ERGIC1: variants seen among roughly 807,000 people sequenced by gnomAD.
ERGIC1 encodes the protein endoplasmic reticulum-Golgi intermediate compartment protein 1.
ERGIC1 carries 19 observed loss-of-function variants against 38.3 expected under a neutral mutation model. The ratio of observed to expected loss-of-function variants is 0.50; its 90% CI spans 0.35 to 0.73. The LOEUF is 0.73. Ranked by LOEUF, ERGIC1 falls within the 30% of genes least tolerant of loss-of-function variation. The probability of loss-of-function intolerance (pLI) is 0.01; values close to 1 mark genes in which losing one functional copy is unlikely to be tolerated. For missense variants in ERGIC1, 294 were observed against 389.2 expected (o/e 0.76, Z 2.06); for synonymous variants, 124 against 157.6 (o/e 0.79, Z 1.60).
chr5:172,856,547 T>C (rs959953260), intron 1 of ERGIC1, among the ~76,000 whole-genome samples: 1 of 152,036 alleles, frequency 6.6e-6, no homozygotes. Flanking sequence ...GGGGATACAA[T>C]GGGCAGGTGA....
rs1010244533 is a variant in ERGIC1 at position 172,837,884 on chromosome 5, C to T, written c.20+3451C>T. ...GGCCTGGGGCCAGTAGCACCTGCTG[C>T]CTTCTGCACACCAGCCCAGGGTGGG... On this transcript the variant is annotated intron_variant, in intron 1 of 9. Transcript: ENST00000393784. This position sits in a 1 kb window ranked among gnomAD's most constrained non-coding sequence, Gnocchi z 4.3. Among the ~76,000 whole-genome samples the T allele has an allele frequency of 2.0e-5, 3 of 152,230 alleles. No individual in the cohort carries two copies. Among genetic ancestry groups the T allele is most frequent in the Admixed American group, 6.5e-5 (1 of 15,290 alleles).
intron 1 of ERGIC1, among the ~76,000 whole-genome samples, chr5:172,869,753 T>A (rs1761956614): frequency 2.6e-5 from 4 of 152,182 alleles, no homozygotes; most frequent in Admixed American, 2.6e-4. Context: ...GGGGGTGTCA[T>A]GAGAAGAGCC....
chr5:172,888,197 C>T (rs896131531), intron 1 of ERGIC1, among the ~76,000 whole-genome samples: 2 of 152,294 alleles, frequency 1.3e-5, no homozygotes, highest in Admixed American at 6.5e-5. Context: ...TGGTGGTTCA[C>T]GCCTGTAATC....
intron 1 of ERGIC1, among the ~76,000 whole-genome samples, chr5:172,847,808 C>T (rs550550019): frequency 3.5e-4 from 53 of 152,316 alleles, no homozygotes; most frequent in African/African-American, 9.6e-4. Context: ...CCACCACGCC[C>T]GGCCACATGT....
intron 3 of ERGIC1, among the ~76,000 whole-genome samples, chr5:172,908,352 G>GGGGGGGGGGGGA (rs1491131088): frequency 2.4e-5 from 2 of 83,866 alleles, no homozygotes; most frequent in South Asian, 6.1e-4. Context: ...GAGGGGGGGG[G>GGGGGGGGGGGGA]TGGATCATGA....
At chr5:172,904,123 T>A (rs1310309561) in intron 3 of ERGIC1, among the ~76,000 whole-genome samples, 1 of 152,228 alleles carries the variant, frequency 6.6e-6, no homozygotes, top group East Asian at 1.9e-4. Context: ...TTTCTCTCCT[T>A]TCCTCTCTCC....
intron 2 of ERGIC1, among the ~76,000 whole-genome samples, chr5:172,893,399 C>T (rs1326164590): frequency 1.3e-5 from 2 of 152,104 alleles, no homozygotes; most frequent in African/African-American, 2.4e-5. Flanking sequence ...CCGTCTGCCT[C>T]GGCCTCCCAA....
At chr5:172,911,813 T>A (rs1763215386) in intron 4 of ERGIC1, among the ~76,000 whole-genome samples, 1 of 152,106 alleles carries the variant, frequency 6.6e-6, no homozygotes, top group Non-Finnish European at 1.5e-5. Flanking sequence ...TATTTCAATC[T>A]TAAGACATAC....
chr5:172,914,485 C>G (rs566007437), intron 4 of ERGIC1: 3 of 637,334 alleles, frequency 4.7e-6, no homozygotes, highest in Non-Finnish European at 8.3e-6. Flanking sequence ...ATGGCAGACC[C>G]CAGGGTGGCC....
chr5:172,881,159 A>G (rs141187339), intron 1 of ERGIC1, among the ~76,000 whole-genome samples: 138 of 152,242 alleles, frequency 9.1e-4, no homozygotes, highest in African/African-American at 3.2e-3. Context: ...AGGCGGGAGA[A>G]TGGCTTGAAC....
intron 1 of ERGIC1, among the ~76,000 whole-genome samples, chr5:172,873,695 G>A (rs1762074090): frequency 6.6e-6 from 1 of 152,222 alleles, no homozygotes; most frequent in Admixed American, 6.5e-5. Flanking sequence ...TCTGCTTCTT[G>A]TTAGCTGTGT....
chr5:172,869,088 G>C (rs1465558727), intron 1 of ERGIC1, among the ~76,000 whole-genome samples: 1 of 152,216 alleles, frequency 6.6e-6, no homozygotes, highest in East Asian at 1.9e-4. Flanking sequence ...CACCTTGCGT[G>C]GGGAGCTGGA....
chr5:172,921,916 C>T (rs557394422), intron 5 of ERGIC1, among the ~76,000 whole-genome samples: 1 of 152,356 alleles, frequency 6.6e-6, no homozygotes, highest in East Asian at 1.9e-4. Flanking sequence ...CCTGGGAAGC[C>T]CTCCCTGAAT....
At chr5:172,950,464 G>A (rs1485687168) in intron 9 of ERGIC1, among the ~76,000 whole-genome samples, 1 of 152,164 alleles carries the variant, frequency 6.6e-6, no homozygotes, top group Admixed American at 6.5e-5. Context: ...GGGTGAATAT[G>A]GGAATTAAAG....
At chr5:172,842,138 C>G (rs1761177099) in intron 1 of ERGIC1, among the ~76,000 whole-genome samples, 1 of 152,178 alleles carries the variant, frequency 6.6e-6, no homozygotes, top group Non-Finnish European at 1.5e-5. Context: ...CCTCCACTTC[C>G]CAGGTTCAAG....
chr5:172,858,488 G>A (rs938115462), intron 1 of ERGIC1, among the ~76,000 whole-genome samples: 2 of 152,202 alleles, frequency 1.3e-5, no homozygotes, highest in Non-Finnish European at 2.9e-5. Context: ...TTCCTCGTCA[G>A]TCACACGCTA....
intron 1 of ERGIC1, among the ~76,000 whole-genome samples, chr5:172,887,040 T>G (rs1309681109): frequency 6.6e-6 from 1 of 152,156 alleles, no homozygotes; most frequent in Non-Finnish European, 1.5e-5. Flanking sequence ...CCTTTGAACT[T>G]GGCAGCCCGC....
At chr5:172,893,893 ATATATATATATATGTGTGTGTGTGTG>A (rs1762634380) in intron 2 of ERGIC1, among the ~76,000 whole-genome samples, 3 of 19,772 alleles carry the variant, frequency 1.5e-4, no homozygotes, top group Non-Finnish European at 4.1e-4. Context: ...ATATATATAT[ATATATATATATATGTGTGTGTGTGTG>A]TGTGTGTGTG....
In ERGIC1 at chr5:172,889,139, C is replaced by G. The variant is rs1454898660; in HGVS notation, c.82+379C>G. ...GTCTCTATTAAAAATACAAAATTAG[C>G]CAGGCATGGTGGTACATGCCTGTAG... On this transcript the variant is annotated intron_variant, in intron 2 of 9. Transcript: ENST00000393784. 1.1e-4 allele frequency among the ~76,000 whole-genome samples: 16 copies of G among 152,196 alleles called. No individual in the cohort carries two copies. In the East Asian group the frequency reaches 2.7e-3, roughly 26 times the overall value.
Sources: allele counts gnomAD v4.1 joint callset (sites outside exome capture counted in the v4.1 genomes callset), GRCh38; gene constraint gnomAD v4.1.1; non-coding constraint Gnocchi (gnomAD v3.1); transcripts MANE v1.5; gene names NCBI Gene and HGNC (gene_info 2026-07-23, HGNC 2026-07-21).